The following PIGG variants were observed in gnomAD, a reference collection of about 807,000 sequenced individuals.
The protein encoded by PIGG is GPI ethanolamine phosphate transferase 2, catalytic subunit.
In PIGG, 70 loss-of-function variants were observed where a neutral mutation model predicts 83.2. That is an observed-to-expected ratio of 0.84 (90% confidence interval 0.69 to 1.03). The LOEUF is 1.03. Ranked by LOEUF, PIGG falls within the 50% of genes least tolerant of loss-of-function variation. The pLI is 0.00. For synonymous variants in PIGG, 532 were observed against 519.5 expected, an observed-to-expected ratio of 1.02 and a Z score of -0.33; for missense variants, 1,257 against 1,233.6, an observed-to-expected ratio of 1.02 and a Z score of -0.28.
At chr4:529,032 C>G (rs879761114) in intron 10 of PIGG, among the ~76,000 whole-genome samples, 1 of 152,152 alleles carries the variant, frequency 6.6e-6, no homozygotes. Flanking sequence ...GCACTCAGTT[C>G]CTGACTGTCC....
At chr4:512,803 G>C (rs1722619383) in intron 5 of PIGG, among the ~76,000 whole-genome samples, 1 of 151,980 alleles carries the variant, frequency 6.6e-6, no homozygotes, top group African/African-American at 2.4e-5. Context: ...GACGGAGTGA[G>C]ACTCCATCTA....
chr4:538,702 C>T (rs1260071864), intron 12 of PIGG, among the ~76,000 whole-genome samples: 1 of 152,214 alleles, frequency 6.6e-6, no homozygotes, highest in Non-Finnish European at 1.5e-5. Context: ...CCCAGACCAA[C>T]CACATCCAGA....
intron 11 of PIGG, chr4:532,388 ATCTG>A (rs1425571301): frequency 6.6e-6 from 1 of 152,374 alleles, no homozygotes; most frequent in Non-Finnish European, 1.5e-5. Flanking sequence ...CCATCGTGGC[ATCTG>A]GGACTCTGTC....
chr4:525,730 T>C (rs930438737), intron 9 of PIGG: 1 of 152,272 alleles, frequency 6.6e-6, no homozygotes, highest in Non-Finnish European at 1.5e-5. Flanking sequence ...AAACCTCGGT[T>C]AGCCAAGTCA....
At position 530,483 on chromosome 4, in the gene PIGG, T is replaced by C. The variant is rs747253679; in HGVS notation, c.2309T>C (p.Leu770Pro). 1 of 1,613,874 alleles carries C rather than the reference T, an allele frequency of 6.2e-7. No individual in the cohort carries two copies. Among genetic ancestry groups the C allele is most frequent in the Non-Finnish European group, 8.5e-7 (1 of 1,179,836 alleles). Residue 770 changes from leucine (L) to proline (P), a missense_variant, in exon 11 of 13, where the codon CTG becomes CCG. By Grantham distance (98) the Leu-to-Pro change is moderately conservative. Transcript: ENST00000453061. The part of the protein sequence containing the change: ...RFVYVFVLGI[L>P]FTGTKDLLKS... ...GTTTATGTCTTTGTCCTTGGCATTCTGTTCACGGGCACCAAAGACTTACTT... is the reference window on the plus strand; with the variant it reads ...GTTTATGTCTTTGTCCTTGGCATTCCGTTCACGGGCACCAAAGACTTACTT...
At chr4:524,838 A>C (rs1727136115) in intron 9 of PIGG, 1 of 152,102 alleles carries the variant, frequency 6.6e-6, no homozygotes, top group Non-Finnish European at 1.5e-5. Flanking sequence ...TTGTGTTTTT[A>C]GTGGAGATGG....
rs782694944 is a variant in PIGG, at chr4:499,294, TC to T, written c.-40del. ...AAGCGCGGCTGCAGCAGGGCGAGGC[TC>T]CAGGTGGGGTCGGTTCCGCATCCAG... is the stretch of plus-strand genomic sequence containing the variant. On this transcript the variant is annotated 5_prime_UTR_variant, in exon 1 of 13. Coordinates refer to ENST00000453061, the MANE Select transcript of PIGG (RefSeq NM_001127178.3). The T allele has an allele frequency of 4.4e-6, 7 of 1,593,928 alleles. No homozygotes were observed. The South Asian group carries it at 7.8e-5, about 18-fold the overall frequency.
intron 6 of PIGG, among the ~76,000 whole-genome samples, chr4:519,640 G>A (rs1310710984): frequency 1.3e-5 from 2 of 152,280 alleles, no homozygotes; most frequent in Non-Finnish European, 2.9e-5. Context: ...GAGCCGCCTA[G>A]TGTTGCTGGC....
intron 4 of PIGG, among the ~76,000 whole-genome samples, chr4:508,309 T>G (rs1029836654): frequency 6.6e-6 from 1 of 152,200 alleles, no homozygotes; most frequent in Non-Finnish European, 1.5e-5. Context: ...TGCACGAGTG[T>G]TCCAGGAGGA....
At chr4:530,984 TG>T (rs1296103344) in intron 11 of PIGG, 1 of 513,704 alleles carries the variant, frequency 1.9e-6, no homozygotes, top group African/African-American at 1.9e-5. Context: ...GGGCCAGGCC[TG>T]GGTTTATTTA....
chr4:512,547 G>T (rs1312344890), intron 5 of PIGG, among the ~76,000 whole-genome samples: 2 of 151,928 alleles, frequency 1.3e-5, no homozygotes, highest in African/African-American at 2.4e-5. Context: ...GGCCTGGCAC[G>T]GTGGCTCATT....
At position 539,604 on chromosome 4, in the gene PIGG, T is replaced by G; in HGVS notation, c.*235T>G. The G allele has an allele frequency of 2.0e-6, 1 of 494,362 alleles. No individual in the cohort carries two copies. The highest frequency in any genetic ancestry group is 3.6e-6 in the Non-Finnish European group (1 of 276,784). The allele number at this position is 494,362 out of a possible 1,614,324, so 30.6% of individuals were successfully genotyped here. On this transcript the variant is annotated 3_prime_UTR_variant, in exon 13 of 13. Transcript: ENST00000453061. ...AACTTTTAATTTCCTCTGAATAAGC[T>G]ATGGTGTGACCCAAATATGTGTGTT...
chr4:505,064 T>G (rs1335589009), intron 2 of PIGG, among the ~76,000 whole-genome samples: 1 of 152,130 alleles, frequency 6.6e-6, no homozygotes, highest in African/African-American at 2.4e-5. Flanking sequence ...GAGATTTGAA[T>G]CTTAATTGGG....
At chr4:522,293 T>G (rs965219700) in intron 8 of PIGG, 17 of 521,328 alleles carry the variant, frequency 3.3e-5, no homozygotes, top group Non-Finnish European at 5.5e-5. Context: ...CCAGCAGAGG[T>G]GTGGGAGCTG....
Position 521,800 on chromosome 4 carries a change from C to T in PIGG, c.1473C>T (p.Cys491=). ...LVLSAVHVIV[C]TSAESSCYFC... Reference sequence around the variant, plus strand: ...TTTCGGCCGTTCACGTCATTGTGTGCACCTCAGCTGAAAGTTCGTGCTACT... The same window carrying T: ...TTTCGGCCGTTCACGTCATTGTGTGTACCTCAGCTGAAAGTTCGTGCTACT... Residue 491 remains cysteine (C), a synonymous_variant, in exon 8 of 13, where the codon TGC becomes TGT. Transcript: ENST00000453061. The T allele has an allele frequency of 6.2e-7, 1 of 1,614,210 alleles. No homozygotes were observed. Among genetic ancestry groups the T allele is most frequent in the South Asian group, 1.1e-5 (1 of 91,090 alleles).
At position 526,902 on chromosome 4, in the gene PIGG, AATC is replaced by A. The variant is rs562546004; in HGVS notation, c.2070-135_2070-133del. On this transcript the variant is annotated intron_variant, in intron 9 of 12. Transcript: ENST00000453061. ...TTAAGAACCTTTGTTTGAAAATAAA[AATC>A]AACAATTTCATGTAATCTTTGGTTT... 4.5e-4 allele frequency: 449 copies of A among 990,030 alleles called. 3 individuals carry two copies. The African/African-American group carries it at 6.6e-3, about 15-fold the overall frequency. The allele number at this position is 990,030 out of a possible 1,614,324, so 61.3% of individuals were successfully genotyped here. A position where few individuals can be genotyped will look rare whatever the true frequency, so the allele number is the denominator to read the frequency against.
At chr4:512,367 C>G (rs142289079) in intron 5 of PIGG, among the ~76,000 whole-genome samples, 11 of 151,318 alleles carry the variant, frequency 7.3e-5, no homozygotes, top group South Asian at 4.2e-4. Flanking sequence ...TTACAGGCAC[C>G]CACCACCACC....
chr4:516,011 G>A lies in PIGG; in HGVS notation c.940G>A (p.Val314Met), dbSNP rs1335469607. 1.1e-5 allele frequency: 17 copies of A among 1,614,122 alleles called. No homozygotes were observed. Among genetic ancestry groups the A allele is most frequent in the Admixed American group, 8.3e-5 (5 of 60,016 alleles). Reference sequence around the variant, plus strand: ...TCCAAAGCACGTCCAACAGACGGATGTGGCTGCGACACTGGCGATAGCACT... The same window carrying A: ...TCCAAAGCACGTCCAACAGACGGATATGGCTGCGACACTGGCGATAGCACT... ...RHPKHVQQTD[V>M]AATLAIALGL... Residue 314 changes from valine to methionine, a missense_variant, in exon 6 of 13, where the codon GTG (valine) becomes ATG (methionine). Val to Met is a conservative substitution (Grantham distance 21). Coordinates refer to ENST00000453061, the MANE Select transcript of PIGG (RefSeq NM_001127178.3).
rs1029742738 is a variant in PIGG, at chr4:539,853, T to C, written c.*484T>C. The C allele has an allele frequency of 2.0e-5, 3 of 152,664 alleles. No individual in the cohort carries two copies. Among genetic ancestry groups the C allele is most frequent in the Admixed American group, 6.5e-5 (1 of 15,302 alleles). 9.5% of individuals were successfully genotyped at this position (152,664 alleles called of 1,614,324 possible). ...CATTTATAAGGAATCTATTGCATAT[T>C]AATGAAACACTTGAAGGAAAAGTAA... On this transcript the variant is annotated 3_prime_UTR_variant, in exon 13 of 13. Coordinates refer to ENST00000453061, the MANE Select transcript of PIGG (RefSeq NM_001127178.3).
Sources: allele counts gnomAD v4.1 joint callset (sites outside exome capture counted in the v4.1 genomes callset), GRCh38; gene constraint gnomAD v4.1.1; transcripts MANE v1.5; gene names NCBI Gene and HGNC (gene_info 2026-07-23, HGNC 2026-07-21).